The following PCSK1 variants were observed in gnomAD, a reference collection of about 807,000 sequenced individuals.
The protein encoded by PCSK1 is proprotein convertase subtilisin/kexin type 1, also known as neuroendocrine convertase 1.
Under a neutral mutation model 90.6 loss-of-function variants are expected in PCSK1, and 56 were observed. That is an observed-to-expected ratio of 0.62 (90% CI 0.50 to 0.77). The LOEUF (loss-of-function observed/expected upper bound fraction) is 0.77, where lower values mean the gene tolerates loss of function less well. PCSK1 is among the 30% of genes least tolerant of loss of function. The probability of loss-of-function intolerance (pLI) is 0.00; values close to 1 mark genes in which losing one functional copy is unlikely to be tolerated. For synonymous variants in PCSK1, 348 were observed against 342.4 expected (o/e 1.02, Z -0.18); for missense variants, 801 against 932.6 (o/e 0.86, Z 1.84).
At position 96,397,344 on chromosome 5, in the gene PCSK1, T is replaced by C; in HGVS notation, c.1714A>G (p.Thr572Ala). 2 of 1,613,216 alleles carry C rather than the reference T, an allele frequency of 1.2e-6. No individual in the cohort carries two copies. Among genetic ancestry groups the C allele is most frequent in the Non-Finnish European group, 1.7e-6 (2 of 1,179,202 alleles). Reference sequence around the variant, plus strand: ...CTCTCATTCACACTTACCATGTCTGTAATTCTCAAAGTCCAAGTACCTATA... The same window carrying C: ...CTCTCATTCACACTTACCATGTCTGCAATTCTCAAAGTCCAAGTACCTATA... ...NPIGTWTLRI[T>A]DMSGRIQNEG... The change falls in exon 12 of 14, where the codon ACA (threonine) becomes GCA (alanine). Residue 572 changes from threonine (T) to alanine (A), a missense_variant. Coordinates refer to ENST00000311106, the MANE Select transcript of PCSK1 (RefSeq NM_000439.5).
intron 1 of PCSK1, among the ~76,000 whole-genome samples, chr5:96,431,358 C>T (rs1442172419): frequency 1.3e-5 from 2 of 152,178 alleles, no homozygotes; most frequent in Admixed American, 6.5e-5. Context: ...ATGTTTTCTC[C>T]TTTGGGCAGT....
chr5:96,405,205 ATGAAT>A (rs1259725391), intron 9 of PCSK1, among the ~76,000 whole-genome samples: 2 of 152,194 alleles, frequency 1.3e-5, no homozygotes, highest in Non-Finnish European at 2.9e-5. Flanking sequence ...TATCTTACTG[ATGAAT>A]TGAGTCAAAA....
intron 9 of PCSK1, among the ~76,000 whole-genome samples, chr5:96,400,815 C>A (rs375248216): frequency 2.0e-5 from 3 of 151,626 alleles, no homozygotes; most frequent in Admixed American, 1.3e-4. Context: ...AGGCTGGGCG[C>A]GGTGGCTCAC....
In PCSK1 at chr5:96,410,893, T is replaced by C. The variant is rs1760732445; in HGVS notation, c.976A>G (p.Ile326Val). ...GCACTGCTGATGGAGATGGTGTAGA[T>C]GCTGTCTGTGTAGCCATCACAGTCA... ...NCDCDGYTDS[I>V]YTISISSASQ... is the part of the protein sequence containing the mutation. The change falls in exon 8 of 14, where the codon ATC becomes GTC. Residue 326 changes from isoleucine to valine, a missense_variant. Physicochemically the swap from Ile to Val is conservative, Grantham distance 29. Transcript: ENST00000311106. The C allele has an allele frequency of 1.2e-6, 2 of 1,613,904 alleles. No individual in the cohort carries two copies. The highest frequency in any genetic ancestry group is 1.3e-5 in the African/African-American group (1 of 74,862).
At chr5:96,428,542 C>A (rs563383196) in intron 2 of PCSK1, among the ~76,000 whole-genome samples, 3 of 152,282 alleles carry the variant, frequency 2.0e-5, no homozygotes, top group African/African-American at 7.2e-5. Flanking sequence ...ACTGCCTCTA[C>A]CTTATTTACC....
intron 9 of PCSK1, among the ~76,000 whole-genome samples, chr5:96,400,977 C>G (rs904027776): frequency 2.2e-5 from 3 of 134,016 alleles, no homozygotes; most frequent in Non-Finnish European, 4.8e-5. Flanking sequence ...GTCCCAGCTA[C>G]TCGGGAGGCT....
At chr5:96,420,925 T>G (rs1306250683) in intron 5 of PCSK1, among the ~76,000 whole-genome samples, 1 of 152,202 alleles carries the variant, frequency 6.6e-6, no homozygotes, top group African/African-American at 2.4e-5. Flanking sequence ...ATGCTTGGCT[T>G]TTTCCATCCT....
At chr5:96,407,643 C>T (rs1169784795) in intron 9 of PCSK1, among the ~76,000 whole-genome samples, 1 of 152,130 alleles carries the variant, frequency 6.6e-6, no homozygotes, top group Non-Finnish European at 1.5e-5. Context: ...TATTTACTGA[C>T]AATGGTGTTT....
intron 5 of PCSK1, 47 bp from the exon 6 acceptor site, chr5:96,416,168 A>G (rs571275902): frequency 1.5e-6 from 2 of 1,324,544 alleles, no homozygotes; most frequent in Non-Finnish European, 2.2e-6. Flanking sequence ...AAGAACAAAC[A>G]TTTGTTTTGC....
At chr5:96,411,734 C>T (rs1316567782) in intron 7 of PCSK1, among the ~76,000 whole-genome samples, 1 of 152,184 alleles carries the variant, frequency 6.6e-6, no homozygotes, top group South Asian at 2.1e-4. Flanking sequence ...TGTCCAGAAG[C>T]ACTTTTAAAA....
intron 9 of PCSK1, among the ~76,000 whole-genome samples, chr5:96,401,109 A>AAG: frequency 6.6e-6 from 1 of 150,722 alleles, no homozygotes; most frequent in African/African-American, 2.4e-5. Context: ...AAAAAAAAAA[A>AAG]AAAGAAGTTT....
chr5:96,425,167 T>C (rs1761267545), intron 3 of PCSK1, among the ~76,000 whole-genome samples: 1 of 152,214 alleles, frequency 6.6e-6, no homozygotes, highest in Non-Finnish European at 1.5e-5. Context: ...AGAAATAATC[T>C]TTTATAAAAT....
In PCSK1 at chr5:96,429,414, A is replaced by G. The variant is rs112478114; in HGVS notation, c.181-97T>C. On this transcript the variant is annotated intron_variant, in intron 1 of 13. Coordinates refer to ENST00000311106, the MANE Select transcript of PCSK1 (RefSeq NM_000439.5). ...GCTAACTTAGAGATAGGCAACTTTT[A>G]TTAAGCCCATTCCTGGTATCTGAAA... 8.6e-6 allele frequency: 6 copies of G among 697,718 alleles called. No homozygotes were observed. In the African/African-American group the frequency reaches 8.9e-5, roughly 10 times the overall value. The allele number at this position is 697,718 out of a possible 1,614,324, so 43.2% of individuals were successfully genotyped here. A position where few individuals can be genotyped will look rare whatever the true frequency, so the allele number is the denominator to read the frequency against.
At chr5:96,420,426 C>A (rs1169415198) in intron 5 of PCSK1, among the ~76,000 whole-genome samples, 1 of 152,128 alleles carries the variant, frequency 6.6e-6, no homozygotes, top group Non-Finnish European at 1.5e-5. Flanking sequence ...CCAAAGGTAC[C>A]CTTGCCAGTG....
chr5:96,412,408 G>A lies in PCSK1; in HGVS notation c.792C>T (p.Tyr264=). Residue 264 remains tyrosine, a synonymous_variant, in exon 7 of 14, where the codon TAC becomes TAT. Transcript: ENST00000311106. ...IGFNPGHVDI[Y]SASWGPNDDG... The stretch of plus-strand genomic sequence containing the variant: ...CATCATTAGGGCCCCAGCTTGCACT[G>A]TAAATATCCACGTGTCCAGGATTGA... 1.2e-6 allele frequency: 2 copies of A among 1,613,892 alleles called. No homozygotes were observed. Among genetic ancestry groups the A allele is most frequent in the Non-Finnish European group, 1.7e-6 (2 of 1,179,846 alleles).
At chr5:96,432,479 G>C (rs935774025) in intron 1 of PCSK1, among the ~76,000 whole-genome samples, 3 of 152,184 alleles carry the variant, frequency 2.0e-5, no homozygotes, top group Admixed American at 6.5e-5. Flanking sequence ...CCTCAGTCCC[G>C]GGGGATGGAG....
Position 96,423,365 on chromosome 5 carries a change from G to T in PCSK1, c.491C>A (p.Thr164Asn). Residue 164 changes from threonine (T) to asparagine (N), a missense_variant, in exon 4 of 14, where the codon ACC (threonine) becomes AAC (asparagine). By Grantham distance (65) the Thr-to-Asn change is moderately conservative. Transcript: ENST00000311106. ...CCACTCCAAACCATCATCCAGTACGGTGATAACAACTCCTTTGCCCGTAAT... is the reference window on the plus strand; with the variant it reads ...CCACTCCAAACCATCATCCAGTACGTTGATAACAACTCCTTTGCCCGTAAT... ...KGITGKGVVITVLDDGLEWNH... is the reference protein window; with the variant it reads ...KGITGKGVVINVLDDGLEWNH... 1 of 1,613,774 alleles carries T rather than the reference G, an allele frequency of 6.2e-7. No individual in the cohort carries two copies. The highest frequency in any genetic ancestry group is 1.1e-5 in the South Asian group (1 of 90,976).
chr5:96,405,297 G>T (rs750251420), intron 9 of PCSK1, among the ~76,000 whole-genome samples: 1 of 152,160 alleles, frequency 6.6e-6, no homozygotes, highest in Admixed American at 6.5e-5. Context: ...CGAACACTGA[G>T]AATCTGGTGA....
chr5:96,412,561 C>A, intron 6 of PCSK1, 71 bp from the exon 7 acceptor site: 1 of 1,341,520 alleles, frequency 7.5e-7, no homozygotes, highest in South Asian at 1.2e-5. Flanking sequence ...GCCCAATACT[C>A]TTACTATTTG....
Sources: allele counts gnomAD v4.1 joint callset (sites outside exome capture counted in the v4.1 genomes callset), GRCh38; gene constraint gnomAD v4.1.1; transcripts MANE v1.5; gene names NCBI Gene and HGNC (gene_info 2026-07-23, HGNC 2026-07-21).